Variants in FBXL7 observed in about 807,000 individuals in gnomAD.
The protein encoded by FBXL7 is F-box and leucine rich repeat protein 7, also known as F-box/LRR-repeat protein 7.
FBXL7 carries 12 observed loss-of-function variants against 38.3 expected under a neutral mutation model. The ratio of observed to expected loss-of-function variants is 0.31; its 90% CI spans 0.20 to 0.51. The LOEUF is 0.51. Ranked by LOEUF, FBXL7 falls within the 20% of genes least tolerant of loss-of-function variation. The pLI is 0.98. For missense variants in FBXL7, 567 were observed against 676.4 expected (o/e 0.84, Z 1.79); for synonymous variants, 297 against 300.9 (o/e 0.99, Z 0.13).
intron 1 of FBXL7, among the ~76,000 whole-genome samples, chr5:15,549,574 C>T (rs1738005021): frequency 6.6e-6 from 1 of 152,016 alleles, no homozygotes; most frequent in Admixed American, 6.6e-5. Context: ...ATGTTATCCC[C>T]TCACCAAAAA....
At chr5:15,845,777 C>T (rs1738880168) in intron 2 of FBXL7, among the ~76,000 whole-genome samples, 2 of 152,118 alleles carry the variant, frequency 1.3e-5, no homozygotes, top group Admixed American at 6.6e-5. Flanking sequence ...CGAGACCATC[C>T]TGGCTAACAC....
intron 2 of FBXL7, among the ~76,000 whole-genome samples, chr5:15,844,458 A>C (rs1738837746): frequency 6.6e-6 from 1 of 152,230 alleles, no homozygotes; most frequent in African/African-American, 2.4e-5. Flanking sequence ...ACTGCTGGAC[A>C]GTTCCCCAGG....
intron 2 of FBXL7, among the ~76,000 whole-genome samples, chr5:15,702,105 G>C (rs1439259704): frequency 6.6e-6 from 1 of 152,044 alleles, no homozygotes; most frequent in Non-Finnish European, 1.5e-5. Flanking sequence ...AGGAGTGCTG[G>C]CCGGTTCCTG....
chr5:15,673,002 G>T (rs1386603985), intron 2 of FBXL7, among the ~76,000 whole-genome samples: 1 of 152,030 alleles, frequency 6.6e-6, no homozygotes, highest in Non-Finnish European at 1.5e-5. Flanking sequence ...TGTTCTGAAC[G>T]GTATTCCGTG....
At chr5:15,775,438 G>T (rs1229417982) in intron 2 of FBXL7, among the ~76,000 whole-genome samples, 1 of 151,928 alleles carries the variant, frequency 6.6e-6, no homozygotes, top group Non-Finnish European at 1.5e-5. Context: ...AAGCTGGTGG[G>T]GAATATGCCA....
chr5:15,502,280 C>T (rs2126340968), intron 1 of FBXL7, among the ~76,000 whole-genome samples: 1 of 151,910 alleles, frequency 6.6e-6, no homozygotes, highest in East Asian at 1.9e-4. Context: ...CGCCCCAGCC[C>T]TTCTAATCCT....
chr5:15,691,135 C>A (rs926752912), intron 2 of FBXL7, among the ~76,000 whole-genome samples: 1 of 152,126 alleles, frequency 6.6e-6, no homozygotes, highest in South Asian at 2.1e-4. Context: ...AGGATGATAA[C>A]CTAGGGTGAC....
Position 15,795,309 on chromosome 5 carries a change from T to C in FBXL7, c.128-132581T>C, listed in dbSNP as rs572789020. ...CACTCACAGAACTAGCAAGATGTTT[T>C]CCGTATATCATCATTTGACTAGATT... On this transcript the variant is annotated intron_variant, in intron 2 of 3. Transcript: ENST00000504595. 1.0e-3 allele frequency among the ~76,000 whole-genome samples: 159 copies of C among 152,300 alleles called. 1 individual carries two copies. Among genetic ancestry groups the C allele is most frequent in the Non-Finnish European group, 1.7e-3 (113 of 68,002 alleles).
At chr5:15,511,103 A>G (rs1227105062) in intron 1 of FBXL7, among the ~76,000 whole-genome samples, 1 of 152,190 alleles carries the variant, frequency 6.6e-6, no homozygotes, top group Non-Finnish European at 1.5e-5. Flanking sequence ...AGTGACTGAG[A>G]AGTGGCCCCT....
intron 2 of FBXL7, among the ~76,000 whole-genome samples, chr5:15,815,928 G>A (rs1346963840): frequency 6.6e-6 from 1 of 152,116 alleles, no homozygotes; most frequent in Non-Finnish European, 1.5e-5. Context: ...ACGTGCTGCA[G>A]CATTCTCACC....
intron 2 of FBXL7, among the ~76,000 whole-genome samples, chr5:15,837,971 G>C (rs547167989): frequency 1.3e-5 from 2 of 152,308 alleles, no homozygotes; most frequent in South Asian, 2.1e-4. Flanking sequence ...AGGAGCAAAA[G>C]AGATATAATC....
chr5:15,525,075 G>A (rs1378941017), intron 1 of FBXL7, among the ~76,000 whole-genome samples: 2 of 152,210 alleles, frequency 1.3e-5, no homozygotes, highest in Admixed American at 6.5e-5. Context: ...TTGAGCCAGG[G>A]CAGTAACCTC....
At chr5:15,614,111 G>A (rs1367351939) in intron 1 of FBXL7, among the ~76,000 whole-genome samples, 1 of 152,084 alleles carries the variant, frequency 6.6e-6, no homozygotes, top group East Asian at 1.9e-4. Flanking sequence ...TAAACATTCA[G>A]TTCATTGCAT....
intron 1 of FBXL7, among the ~76,000 whole-genome samples, chr5:15,592,159 C>T (rs1371655638): frequency 6.6e-6 from 1 of 152,182 alleles, no homozygotes; most frequent in Non-Finnish European, 1.5e-5. Flanking sequence ...GGAAATGAGG[C>T]TCAGAGAACT....
intron 2 of FBXL7, among the ~76,000 whole-genome samples, chr5:15,634,336 TTA>T (rs1491305785): frequency 5.4e-5 from 6 of 110,738 alleles, no homozygotes; most frequent in African/African-American, 1.7e-4. Flanking sequence ...TTTTTTTTTT[TTA>T]AAAGACAGAG....
At chr5:15,653,083 T>G (rs146877999) in intron 2 of FBXL7, among the ~76,000 whole-genome samples, 2 of 152,334 alleles carry the variant, frequency 1.3e-5, no homozygotes, top group African/African-American at 4.8e-5. Context: ...CGCCATCTTA[T>G]GTAAGTACAG....
chr5:15,798,796 T>C (rs768107212), intron 2 of FBXL7, among the ~76,000 whole-genome samples: 119 of 152,218 alleles, frequency 7.8e-4, no homozygotes, highest in Non-Finnish European at 1.4e-3. Context: ...CCAGCAGATA[T>C]CCACATTTCT....
At chr5:15,753,017 C>T (rs1484414282) in intron 2 of FBXL7, among the ~76,000 whole-genome samples, 1 of 152,048 alleles carries the variant, frequency 6.6e-6, no homozygotes, top group Non-Finnish European at 1.5e-5. Context: ...GTGATAAGAC[C>T]TTGAACATTT....
intron 2 of FBXL7, among the ~76,000 whole-genome samples, chr5:15,726,942 A>AT (rs778594123): frequency 6.6e-6 from 1 of 150,398 alleles, no homozygotes; most frequent in Non-Finnish European, 1.5e-5. Flanking sequence ...TGTTTAGTTG[A>AT]TTTTTTGTGG....
Sources: allele counts gnomAD v4.1 joint callset (sites outside exome capture counted in the v4.1 genomes callset), GRCh38; gene constraint gnomAD v4.1.1; transcripts MANE v1.5; gene names NCBI Gene and HGNC (gene_info 2026-07-23, HGNC 2026-07-21).